Variants in OPCML observed in about 807,000 individuals in gnomAD.
The protein encoded by OPCML is opioid-binding protein/cell adhesion molecule.
A neutral mutation model predicts 37.8 loss-of-function variants in OPCML; 13 were observed. The observed-to-expected ratio is 0.34, with a 90% confidence interval of 0.22 to 0.55. The LOEUF (loss-of-function observed/expected upper bound fraction) is 0.55. OPCML is among the 20% of genes least tolerant of loss of function. The probability of loss-of-function intolerance (pLI) is 0.91; values close to 1 mark genes in which losing one functional copy is unlikely to be tolerated. For missense variants in OPCML, 341 were observed against 435.6 expected (o/e 0.78, Z 1.93); for synonymous variants, 176 against 168.8 (o/e 1.04, Z -0.33).
chr11:133,028,067 C>G (rs1291708204), intron 1 of OPCML, among the ~76,000 whole-genome samples: 5 of 152,026 alleles, frequency 3.3e-5, no homozygotes, highest in Non-Finnish European at 7.4e-5. Flanking sequence ...GAACACTTTT[C>G]ATTAAAATCA....
intron 2 of OPCML, among the ~76,000 whole-genome samples, chr11:132,820,304 G>A (rs1939905660): frequency 6.6e-6 from 1 of 152,120 alleles, no homozygotes; most frequent in Non-Finnish European, 1.5e-5. Context: ...CACAAAGGAA[G>A]GAAAAGAAGC....
intron 1 of OPCML, among the ~76,000 whole-genome samples, chr11:133,081,133 G>A (rs1057302652): frequency 1.3e-5 from 2 of 152,220 alleles, no homozygotes; most frequent in African/African-American, 2.4e-5. Context: ...ATCCCAGTGT[G>A]CTCCTGACTT....
At chr11:133,359,714 G>A in intron 1 of OPCML, among the ~76,000 whole-genome samples, 1 of 152,144 alleles carries the variant, frequency 6.6e-6, no homozygotes, top group Middle Eastern at 3.2e-3. Flanking sequence ...ATTGTGGGTG[G>A]TCGTTTATGA....
intron 4 of OPCML, among the ~76,000 whole-genome samples, chr11:132,504,011 T>C (rs767308486): frequency 7.9e-5 from 12 of 152,120 alleles, no homozygotes; most frequent in Admixed American, 1.3e-4. Flanking sequence ...TGCTTCAAAA[T>C]TGTATTGAAA....
chr11:133,097,164 A>T (rs1032697806), intron 1 of OPCML, among the ~76,000 whole-genome samples: 4 of 152,196 alleles, frequency 2.6e-5, no homozygotes, highest in Non-Finnish European at 4.4e-5. Context: ...AACATACCTT[A>T]AGAAATGTAA....
chr11:132,977,455 C>A (rs1213751696), intron 1 of OPCML, among the ~76,000 whole-genome samples: 1 of 152,238 alleles, frequency 6.6e-6, no homozygotes, highest in Non-Finnish European at 1.5e-5. Context: ...TCATAGATAG[C>A]TATCTACTCA....
At chr11:133,200,449 G>T (rs1010754661) in intron 1 of OPCML, among the ~76,000 whole-genome samples, 2 of 152,124 alleles carry the variant, frequency 1.3e-5, no homozygotes, top group Non-Finnish European at 2.9e-5. Flanking sequence ...AGTACATAAA[G>T]CAAAATCTCC....
chr11:132,498,537 C>T (rs1245276418), intron 4 of OPCML, among the ~76,000 whole-genome samples: 2 of 152,196 alleles, frequency 1.3e-5, no homozygotes, highest in African/African-American at 4.8e-5. Flanking sequence ...CTGTCTAAAA[C>T]CAATGTCTAA....
At chr11:132,937,244 G>A (rs1229897507) in intron 2 of OPCML, among the ~76,000 whole-genome samples, 3 of 152,110 alleles carry the variant, frequency 2.0e-5, no homozygotes, top group African/African-American at 7.2e-5. Context: ...CACCTAGTGA[G>A]CACAGTGAGT....
chr11:132,455,983 C>T (rs2096081652), intron 4 of OPCML, among the ~76,000 whole-genome samples: 1 of 152,070 alleles, frequency 6.6e-6, no homozygotes, highest in East Asian at 1.9e-4. Flanking sequence ...AAAATTTTAT[C>T]GAGTTGCAAA....
intron 1 of OPCML, among the ~76,000 whole-genome samples, chr11:133,226,635 T>G (rs1320613682): frequency 6.6e-6 from 1 of 152,196 alleles, no homozygotes; most frequent in Non-Finnish European, 1.5e-5. Context: ...ACATCTAAAT[T>G]AAATGGCAAG....
chr11:132,611,356 C>G (rs900639697), intron 3 of OPCML, among the ~76,000 whole-genome samples: 2 of 152,178 alleles, frequency 1.3e-5, no homozygotes, highest in Non-Finnish European at 2.9e-5. Flanking sequence ...AATCCACTGC[C>G]GTTCAGTTCC....
chr11:133,124,052 T>A (rs1949460774), intron 1 of OPCML, among the ~76,000 whole-genome samples: 1 of 151,706 alleles, frequency 6.6e-6, no homozygotes, highest in Non-Finnish European at 1.5e-5. Context: ...CAGAAAATGG[T>A]GTTATCTATG....
chr11:132,644,403 A>C (rs1207697190), intron 3 of OPCML, among the ~76,000 whole-genome samples: 5 of 152,072 alleles, frequency 3.3e-5, no homozygotes, highest in Non-Finnish European at 5.9e-5. Flanking sequence ...TGGCTCGCTT[A>C]CCTGCGGATT....
intron 1 of OPCML, among the ~76,000 whole-genome samples, chr11:133,464,161 CCA>C (rs547579725): frequency 1.3e-3 from 201 of 152,246 alleles, no homozygotes; most frequent in African/African-American, 4.7e-3. Flanking sequence ...ATTATGTCCT[CCA>C]CATTCTTTAA....
At chr11:132,644,380 C>A (rs972144521) in intron 3 of OPCML, among the ~76,000 whole-genome samples, 10 of 152,032 alleles carry the variant, frequency 6.6e-5, no homozygotes, top group African/African-American at 2.4e-4. Context: ...AACTCGGACT[C>A]CCAGGGGACG....
At chr11:132,963,671 G>A (rs1315148972) in intron 1 of OPCML, among the ~76,000 whole-genome samples, 3 of 151,960 alleles carry the variant, frequency 2.0e-5, no homozygotes, top group Admixed American at 2.0e-4. Flanking sequence ...TTATATAGAG[G>A]AAGAGAAAAG....
chr11:132,658,548 G>T (rs954915395), intron 2 of OPCML, among the ~76,000 whole-genome samples: 2 of 152,158 alleles, frequency 1.3e-5, no homozygotes, highest in Non-Finnish European at 2.9e-5. Context: ...GATCTAGGGC[G>T]GTCCTCTCCC....
At chr11:132,488,801 C>G (rs1282123957) in intron 4 of OPCML, among the ~76,000 whole-genome samples, 1 of 151,732 alleles carries the variant, frequency 6.6e-6, no homozygotes, top group Non-Finnish European at 1.5e-5. Flanking sequence ...TGGGTAGATC[C>G]CTTGGATAAT....
Sources: allele counts gnomAD v4.1 joint callset (sites outside exome capture counted in the v4.1 genomes callset), GRCh38; gene constraint gnomAD v4.1.1; transcripts MANE v1.5; gene names NCBI Gene and HGNC (gene_info 2026-07-23, HGNC 2026-07-21).